THSD7A: variants seen among roughly 807,000 people sequenced by gnomAD.
The protein encoded by THSD7A is thrombospondin type-1 domain-containing protein 7A.
In THSD7A, 96 loss-of-function variants were observed where a neutral mutation model predicts 231.3. The observed-to-expected ratio is 0.41, with a 90% CI of 0.35 to 0.49. The LOEUF (loss-of-function observed/expected upper bound fraction) is 0.49, where lower values mean the gene tolerates loss of function less well. Among genes scored for constraint, THSD7A ranks in the 20% least tolerant of loss-of-function variants. The pLI, the probability that THSD7A is intolerant of heterozygous loss-of-function variation, is 0.05. For missense variants in THSD7A, 2,290 were observed against 2,070.2 expected, an observed-to-expected ratio of 1.11 and a Z score of -2.06; for synonymous variants, 940 against 743.3, an observed-to-expected ratio of 1.26 and a Z score of -4.30.
intron 1 of THSD7A, among the ~76,000 whole-genome samples, chr7:11,684,601 G>A (rs1779966050): frequency 6.6e-6 from 1 of 151,696 alleles, no homozygotes; most frequent in African/African-American, 2.4e-5. Context: ...TGTTCAAGCT[G>A]GAAACCAAAT....
chr7:11,480,902 ATTAT>A (rs1307516221), intron 7 of THSD7A, among the ~76,000 whole-genome samples: 1 of 144,878 alleles, frequency 6.9e-6, no homozygotes, highest in Non-Finnish European at 1.5e-5. Context: ...AATAGAAATA[ATTAT>A]TTATCAGTGC....
chr7:11,516,557 A>G (rs1788038262), intron 6 of THSD7A, among the ~76,000 whole-genome samples: 1 of 152,202 alleles, frequency 6.6e-6, no homozygotes, highest in Non-Finnish European at 1.5e-5. Flanking sequence ...TTGTTTGTAC[A>G]GCAGTCAATG....
intron 1 of THSD7A, among the ~76,000 whole-genome samples, chr7:11,784,736 C>T (rs1190157222): frequency 6.6e-6 from 1 of 151,994 alleles, no homozygotes; most frequent in Non-Finnish European, 1.5e-5. Flanking sequence ...GGTCCTGGAA[C>T]TCGAATAATG....
chr7:11,724,553 A>G (rs958663877), intron 1 of THSD7A, among the ~76,000 whole-genome samples: 4 of 151,938 alleles, frequency 2.6e-5, no homozygotes, highest in Admixed American at 1.3e-4. Context: ...ATATACACGC[A>G]CACATACCCC....
intron 15 of THSD7A, among the ~76,000 whole-genome samples, chr7:11,425,559 G>T (rs1784290362): frequency 6.6e-6 from 1 of 151,884 alleles, no homozygotes; most frequent in South Asian, 2.1e-4. Flanking sequence ...CTTGGTTTCA[G>T]GTTTTTTTTT....
At chr7:11,761,597 T>C (rs1296752291) in intron 1 of THSD7A, among the ~76,000 whole-genome samples, 2 of 152,164 alleles carry the variant, frequency 1.3e-5, no homozygotes, top group East Asian at 3.8e-4. Context: ...AACATGTGAA[T>C]GACAGTTTGT....
intron 1 of THSD7A, among the ~76,000 whole-genome samples, chr7:11,747,589 ATG>A (rs1782352331): frequency 6.6e-6 from 1 of 151,894 alleles, no homozygotes; most frequent in Admixed American, 6.6e-5. Context: ...TCTGTGTTGG[ATG>A]CTTATAAATG....
chr7:11,370,938 T>A lies in THSD7A; in HGVS notation c.*4856A>T, dbSNP rs1209867906. On this transcript the variant is annotated 3_prime_UTR_variant, in exon 28 of 28. Coordinates refer to ENST00000423059, the MANE Select transcript of THSD7A (RefSeq NM_015204.3). ...GATTTCTGAAAAATAGGGAAAAGTT[T>A]ACTTGAGGGTTAAAAGTAGGTAATC... The A allele has an allele frequency of 6.6e-6, 1 of 152,142 alleles. No homozygotes were observed. Among genetic ancestry groups the A allele is most frequent in the African/African-American group, 2.4e-5 (1 of 41,440 alleles). 9.4% of individuals were successfully genotyped at this position (152,142 alleles called of 1,614,324 possible).
chr7:11,568,639 A>C lies in THSD7A; in HGVS notation c.1453+21821T>G, dbSNP rs1478905597. On this transcript the variant is annotated intron_variant, in intron 4 of 27. Coordinates refer to ENST00000423059, the MANE Select transcript of THSD7A (RefSeq NM_015204.3). ...AACTCCGTCTCAAAAAAAAAAAAAA[A>C]AAAAAAAAAAAAAAACCAAAATCTG... Among the ~76,000 whole-genome samples the C allele has an allele frequency of 1.3e-3, 189 of 141,952 alleles. 1 individual carries two copies. The highest frequency in any genetic ancestry group is 4.9e-3 in the African/African-American group (179 of 36,608). The allele number at this position is 141,952 out of a possible 152,430, so 93.1% of individuals were successfully genotyped here.
intron 2 of THSD7A, among the ~76,000 whole-genome samples, chr7:11,606,837 T>A: frequency 6.6e-6 from 1 of 151,998 alleles, no homozygotes; most frequent in Non-Finnish European, 1.5e-5. Flanking sequence ...GGCCACAGAT[T>A]TATTTAATTA....
intron 1 of THSD7A, among the ~76,000 whole-genome samples, chr7:11,732,660 C>T (rs192354895): frequency 8.5e-4 from 129 of 151,864 alleles, no homozygotes; most frequent in African/African-American, 2.9e-3. Flanking sequence ...ACCACAATAG[C>T]AAATTTGTTT....
intron 2 of THSD7A, among the ~76,000 whole-genome samples, chr7:11,615,024 C>A (rs1350571428): frequency 6.6e-6 from 1 of 152,168 alleles, no homozygotes; most frequent in African/African-American, 2.4e-5. Flanking sequence ...CTGATTATGG[C>A]AAATTTCATA....
chr7:11,693,309 T>C (rs1444512879), intron 1 of THSD7A, among the ~76,000 whole-genome samples: 4 of 151,554 alleles, frequency 2.6e-5, no homozygotes, highest in South Asian at 2.1e-4. Flanking sequence ...AATTTACACA[T>C]CTAAGGTACT....
chr7:11,741,186 T>C (rs1414275258), intron 1 of THSD7A, among the ~76,000 whole-genome samples: 2 of 151,928 alleles, frequency 1.3e-5, no homozygotes, highest in African/African-American at 2.4e-5. Flanking sequence ...TGTTTAAACA[T>C]GTCATAGCTT....
chr7:11,741,579 T>C (rs777274261), intron 1 of THSD7A, among the ~76,000 whole-genome samples: 9 of 151,930 alleles, frequency 5.9e-5, no homozygotes, highest in Non-Finnish European at 1.0e-4. Flanking sequence ...CAGGGAATAT[T>C]AGACAAGTGA....
At chr7:11,507,517 T>C (rs2128312234) in intron 6 of THSD7A, among the ~76,000 whole-genome samples, 1 of 152,174 alleles carries the variant, frequency 6.6e-6, no homozygotes, top group African/African-American at 2.4e-5. Context: ...GTAACAAAAA[T>C]ATTATCCTTA....
intron 2 of THSD7A, among the ~76,000 whole-genome samples, chr7:11,623,751 T>C (rs1781390414): frequency 6.6e-6 from 1 of 152,130 alleles, no homozygotes. Flanking sequence ...AACATGTGTC[T>C]AGGTTGAACA....
Position 11,831,068 on chromosome 7 carries a change from C to G in THSD7A, c.190+689G>C, listed in dbSNP as rs1785177770. The stretch of plus-strand genomic sequence containing the variant: ...CCCGCCAGAAACTCCAAGCATTTTG[C>G]CAATGGGTAATGATGGGCAGTTAGT... On this transcript the variant is annotated intron_variant, in intron 1 of 27. Transcript: ENST00000423059. The surrounding 1 kb of genome is among the most constrained non-coding windows in gnomAD (Gnocchi z 5.0). Among the ~76,000 whole-genome samples the G allele has an allele frequency of 6.6e-6, 1 of 152,062 alleles. No homozygotes were observed. The highest frequency in any genetic ancestry group is 6.5e-5 in the Admixed American group (1 of 15,270).
At chr7:11,566,691 T>C (rs1055025285) in intron 4 of THSD7A, among the ~76,000 whole-genome samples, 1 of 152,178 alleles carries the variant, frequency 6.6e-6, no homozygotes, top group African/African-American at 2.4e-5. Flanking sequence ...ACTCGTGATA[T>C]ATTCCTGGAT....
Sources: gnomAD v4.1 joint callset for allele counts (sites outside exome capture counted in the v4.1 genomes callset) on GRCh38, gnomAD v4.1.1 for gene constraint, Gnocchi (gnomAD v3.1) non-coding constraint, MANE v1.5 for transcripts, NCBI Gene and HGNC (gene_info 2026-07-23, HGNC 2026-07-21) for gene names.